Variants in MYH11 observed in about 807,000 individuals in gnomAD.
MYH11 encodes the protein myosin heavy chain 11.
MYH11 carries 80 observed loss-of-function variants against 246.6 expected under a neutral mutation model. That is an observed-to-expected ratio of 0.32 (90% confidence interval 0.27 to 0.39). The LOEUF (loss-of-function observed/expected upper bound fraction) is 0.39. MYH11 is among the 10% of genes least tolerant of loss of function. The pLI is 1.00. For missense variants in MYH11, 2,158 were observed against 2,546.8 expected (o/e 0.85, Z 3.29); for synonymous variants, 1,071 against 1,015.5 (o/e 1.05, Z -1.04).
chr16:15,725,001 G>A lies in MYH11; in HGVS notation c.3859-9C>T. ...ACGCTCTCAACTTCATTCTAAGGGT[G>A]CCAAGAGACTGGTTAGTCAAAGCCT... On this transcript the variant is annotated splice_polypyrimidine_tract_variant and intron_variant, in intron 28 of 40. Transcript: ENST00000300036. 6.2e-7 allele frequency: 1 copy of A among 1,612,394 alleles called. No individual in the cohort carries two copies. Among genetic ancestry groups the A allele is most frequent in the Non-Finnish European group, 8.5e-7 (1 of 1,178,926 alleles).
At chr16:15,704,145 A>ATTAT (rs1055513863) in intron 40 of MYH11, 22 bp from the exon 41 acceptor site, 2 of 1,613,536 alleles carry the variant, frequency 1.2e-6, no homozygotes, top group East Asian at 4.5e-5. Context: ...AAGAAAACAC[A>ATTAT]TTATTTAGCA....
chr16:15,780,465 A>G (rs528908176), intron 6 of MYH11, among the ~76,000 whole-genome samples: 1 of 83,844 alleles, frequency 1.2e-5, no homozygotes, highest in Admixed American at 1.3e-4. Context: ...ATGACTTTAG[A>G]TTTTTACGCT....
chr16:15,842,762 CAAAAAAAA>C lies in MYH11; in HGVS notation c.-17-4501_-17-4494del, dbSNP rs757920488. Among the ~76,000 whole-genome samples the C allele has an allele frequency of 6.6e-4, 13 of 19,674 alleles. 1 individual carries two copies. The highest frequency in any genetic ancestry group is 9.8e-4 in the Non-Finnish European group (7 of 7,138). 12.9% of individuals were successfully genotyped at this position (19,674 alleles called of 152,430 possible). ...CCAGGCAACAGAGCAAGACTTCATC[CAAAAAAAA>C]AAAAAAAAAAAAAAAAAAAAGGGCA... On this transcript the variant is annotated intron_variant, in intron 1 of 40. Transcript: ENST00000300036.
chr16:15,729,763 C>T (rs2040905992), intron 27 of MYH11, among the ~76,000 whole-genome samples: 1 of 152,012 alleles, frequency 6.6e-6, no homozygotes, highest in African/African-American at 2.4e-5. Context: ...GTTGGCCAGA[C>T]TGGTCTCAAA....
At chr16:15,707,430 C>A (rs1489464953) in intron 40 of MYH11, among the ~76,000 whole-genome samples, 8 of 152,150 alleles carry the variant, frequency 5.3e-5, no homozygotes, top group African/African-American at 1.4e-4. Flanking sequence ...TTCCCACTGA[C>A]CAGTGGGTTC....
chr16:15,833,078 C>T (rs549838706), intron 2 of MYH11, among the ~76,000 whole-genome samples: 1 of 144,026 alleles, frequency 6.9e-6, no homozygotes, highest in African/African-American at 2.6e-5. Context: ...GTGAAGATTG[C>T]TTGAGCTCAG....
intron 1 of MYH11, among the ~76,000 whole-genome samples, chr16:15,853,897 G>A (rs937226366): frequency 1.1e-4 from 16 of 152,060 alleles, no homozygotes; most frequent in African/African-American, 3.1e-4. Context: ...GGTGGTGGGC[G>A]CCTATAAACC....
chr16:15,727,151 GCA>G, intron 27 of MYH11, 97 bp from the exon 28 acceptor site: 1 of 1,074,582 alleles, frequency 9.3e-7, no homozygotes, highest in East Asian at 2.4e-5. Context: ...GTCCAGGAAG[GCA>G]CACAACAGGG....
intron 2 of MYH11, among the ~76,000 whole-genome samples, chr16:15,825,783 G>A (rs1188551747): frequency 6.6e-6 from 1 of 152,000 alleles, no homozygotes; most frequent in East Asian, 1.9e-4. Context: ...CTATTGTCAT[G>A]ATTTTTCCTT....
chr16:15,847,175 C>T (rs2044211920), intron 1 of MYH11, among the ~76,000 whole-genome samples: 3 of 151,682 alleles, frequency 2.0e-5, no homozygotes, highest in Admixed American at 2.0e-4. Context: ...CAGATGGTAG[C>T]CAATTACATC....
At chr16:15,707,264 A>T (rs1449512583) in intron 40 of MYH11, among the ~76,000 whole-genome samples, 1 of 152,100 alleles carries the variant, frequency 6.6e-6, no homozygotes, top group Non-Finnish European at 1.5e-5. Flanking sequence ...CCTGACCTCA[A>T]GTTATCTGCC....
intron 2 of MYH11, among the ~76,000 whole-genome samples, chr16:15,833,312 A>T (rs1476585479): frequency 1.3e-5 from 2 of 151,642 alleles, no homozygotes; most frequent in Non-Finnish European, 2.9e-5. Context: ...AAAGAAAAAG[A>T]AAAAAGAAGA....
At chr16:15,824,806 T>A (rs1389502222) in intron 2 of MYH11, among the ~76,000 whole-genome samples, 1 of 152,176 alleles carries the variant, frequency 6.6e-6, no homozygotes, top group Non-Finnish European at 1.5e-5. Context: ...GAAACCCCAG[T>A]GACTCAGTCT....
rs533753173 is a variant in MYH11, at chr16:15,714,849, G to A, written c.5786+60C>T. 2.2e-5 allele frequency: 35 copies of A among 1,600,982 alleles called. No homozygotes were observed. In the African/African-American group the frequency reaches 4.3e-4, roughly 20 times the overall value. ...CATTTGCAGGCCGAAAGGAGCCCGAGCCCCCAGTGCTTTTCTCTGGCCTGA... is the reference window on the plus strand; with the variant it reads ...CATTTGCAGGCCGAAAGGAGCCCGAACCCCCAGTGCTTTTCTCTGGCCTGA... On this transcript the variant is annotated intron_variant, in intron 40 of 40. Coordinates refer to ENST00000300036, the MANE Select transcript of MYH11 (RefSeq NM_002474.3).
intron 2 of MYH11, among the ~76,000 whole-genome samples, chr16:15,830,604 G>A (rs978431132): frequency 1.3e-5 from 2 of 152,120 alleles, no homozygotes; most frequent in African/African-American, 4.8e-5. Context: ...GAGGCTGGAT[G>A]GAGCAGCTCA....
chr16:15,778,913 G>T, intron 6 of MYH11, 70 bp from the exon 7 acceptor site: 1 of 1,431,422 alleles, frequency 7.0e-7, no homozygotes, highest in Non-Finnish European at 9.9e-7. Flanking sequence ...CTGTGGGCAA[G>T]CAGGAGGCAG....
At chr16:15,717,401 G>T (rs916757073) in intron 37 of MYH11, 53 bp from the exon 38 acceptor site, 3 of 1,577,896 alleles carry the variant, frequency 1.9e-6, no homozygotes, top group African/African-American at 2.7e-5. Context: ...CCAAGAGAGC[G>T]CACTGAGACC....
At chr16:15,726,575 C>T (rs1050852370) in intron 28 of MYH11, 3 of 542,114 alleles carry the variant, frequency 5.5e-6, no homozygotes, top group African/African-American at 3.8e-5. Flanking sequence ...ACCATGTTGG[C>T]CAGACTGGTC....
intron 1 of MYH11, among the ~76,000 whole-genome samples, chr16:15,852,355 A>C (rs2044351909): frequency 1.7e-5 from 2 of 120,462 alleles, no homozygotes; most frequent in South Asian, 2.6e-4. Context: ...TTTTTTTGAG[A>C]CCGAGTCTCA....
Sources: allele counts gnomAD v4.1 joint callset (sites outside exome capture counted in the v4.1 genomes callset), GRCh38; gene constraint gnomAD v4.1.1; transcripts MANE v1.5; gene names NCBI Gene and HGNC (gene_info 2026-07-23, HGNC 2026-07-21).